Variants in AKAP13 observed in about 807,000 individuals in gnomAD.
The protein encoded by AKAP13 is A-kinase anchor protein 13.
In AKAP13, 80 loss-of-function variants were observed where a neutral mutation model predicts 264.5. The observed-to-expected ratio is 0.30, with a 90% CI of 0.25 to 0.36. The LOEUF (loss-of-function observed/expected upper bound fraction) is 0.36, where lower values mean the gene tolerates loss of function less well. Ranked by LOEUF, AKAP13 falls within the 10% of genes least tolerant of loss-of-function variation. The probability of loss-of-function intolerance (pLI) is 1.00; values close to 1 mark genes in which losing one functional copy is unlikely to be tolerated. For synonymous variants in AKAP13, 1,380 were observed against 1,250.2 expected (o/e 1.10, Z -2.19); for missense variants, 3,712 against 3,435.2 (o/e 1.08, Z -2.01).
At chr15:85,673,576 A>G (rs1164106035) in intron 14 of AKAP13, among the ~76,000 whole-genome samples, 2 of 152,054 alleles carry the variant, frequency 1.3e-5, no homozygotes, top group East Asian at 1.9e-4. Flanking sequence ...GTGCTGGGAA[A>G]CATAGATGGT....
chr15:85,385,780 C>G (rs1452632137), intron 1 of AKAP13, among the ~76,000 whole-genome samples: 2 of 152,106 alleles, frequency 1.3e-5, no homozygotes, highest in East Asian at 3.8e-4. Flanking sequence ...ACATGATTTG[C>G]AGATATTTTC....
intron 2 of AKAP13, among the ~76,000 whole-genome samples, chr15:85,486,809 G>C (rs2151060721): frequency 7.1e-6 from 1 of 140,916 alleles, no homozygotes. Context: ...CGCGATCTTG[G>C]CTCACTGCGA....
intron 1 of AKAP13, among the ~76,000 whole-genome samples, chr15:85,397,579 G>A (rs2071180041): frequency 6.6e-6 from 1 of 152,118 alleles, no homozygotes; most frequent in African/African-American, 2.4e-5. Flanking sequence ...CACTTATTGG[G>A]AACCATTATT....
Position 85,742,812 on chromosome 15 carries a change from G to A in AKAP13, c.8059-680G>A, listed in dbSNP as rs72750182. On this transcript the variant is annotated intron_variant, in intron 35 of 36. Coordinates refer to ENST00000394518, the MANE Select transcript of AKAP13 (RefSeq NM_007200.5). ...GATTGATTGATCTTGGACCACGAAA[G>A]AAAATTATACTGACAGCTTCCAGGG... is the stretch of plus-strand genomic sequence containing the variant. Among the ~76,000 whole-genome samples the A allele has an allele frequency of 7.7e-3, 1,175 of 152,248 alleles. 19 individuals carry two copies. Among genetic ancestry groups the A allele is most frequent in the Non-Finnish European group, 0.011 (744 of 68,024 alleles).
intron 4 of AKAP13, among the ~76,000 whole-genome samples, chr15:85,543,140 TC>T (rs1179156342): frequency 6.6e-6 from 1 of 152,210 alleles, no homozygotes; most frequent in Non-Finnish European, 1.5e-5. Flanking sequence ...GAGTTAGTCT[TC>T]CTTATTGTGC....
At chr15:85,616,989 A>G (rs531059243) in intron 8 of AKAP13, among the ~76,000 whole-genome samples, 11 of 152,392 alleles carry the variant, frequency 7.2e-5, no homozygotes, top group Admixed American at 2.0e-4. Context: ...AGCCTGTGGC[A>G]CAAAGCCAGA....
intron 10 of AKAP13, among the ~76,000 whole-genome samples, chr15:85,652,883 G>A (rs2082922773): frequency 6.6e-6 from 1 of 152,128 alleles, no homozygotes; most frequent in African/African-American, 2.4e-5. Context: ...CACCATTTGT[G>A]TTGGGATCTG....
intron 12 of AKAP13, 62 bp from the exon 13 acceptor site, chr15:85,664,501 T>C: frequency 1.3e-6 from 2 of 1,493,594 alleles, no homozygotes; most frequent in South Asian, 2.7e-5. Context: ...AGGGATTTTG[T>C]GTCCTCCTTT....
At chr15:85,646,899 C>CT (rs2082583792) in intron 10 of AKAP13, among the ~76,000 whole-genome samples, 1 of 152,194 alleles carries the variant, frequency 6.6e-6, no homozygotes, top group Admixed American at 6.5e-5. Flanking sequence ...GAATAGAGGG[C>CT]TTTCCCCACA....
Position 85,693,593 on chromosome 15 carries a change from T to C in AKAP13, c.5464+142T>C, listed in dbSNP as rs373600398. 9.4e-6 allele frequency: 13 copies of C among 1,386,328 alleles called. No individual in the cohort carries two copies. In the South Asian group the frequency reaches 1.4e-4, roughly 14 times the overall value. The allele number at this position is 1,386,328 out of a possible 1,614,324, so 85.9% of individuals were successfully genotyped here. ...TTTTTATATCTTTCTTTAGACATGATAAAAGAAAGAAATTCTAGATGTATA... is the reference window on the plus strand; with the variant it reads ...TTTTTATATCTTTCTTTAGACATGACAAAAGAAAGAAATTCTAGATGTATA... On this transcript the variant is annotated intron_variant, in intron 17 of 36. Transcript: ENST00000394518.
chr15:85,630,317 T>G (rs1412592517), intron 8 of AKAP13, among the ~76,000 whole-genome samples: 1 of 151,180 alleles, frequency 6.6e-6, no homozygotes, highest in Non-Finnish European at 1.5e-5. Flanking sequence ...AGTGTCTCTG[T>G]ATATATAACA....
intron 1 of AKAP13, among the ~76,000 whole-genome samples, chr15:85,408,601 T>C (rs1455591068): frequency 1.3e-5 from 2 of 151,916 alleles, no homozygotes; most frequent in African/African-American, 4.9e-5. Context: ...ACTGGCTTAC[T>C]TCACTTAGCA....
rs753888783 is a variant in AKAP13, at chr15:85,693,336, G to A, written c.5349G>A (p.Glu1783=). The change falls in exon 17 of 37, where the codon GAG becomes GAA. Residue 1783 remains glutamate, a synonymous_variant. Coordinates refer to ENST00000394518, the MANE Select transcript of AKAP13 (RefSeq NM_007200.5). ...AGGAGAAAGATTCTAAAGACAAGGA[G>A]AAAGATAAGAAGACTGTCAACGGGC... is the stretch of plus-strand genomic sequence containing the variant. ...KEKEKDSKDK[E]KDKKTVNGHT... The A allele has an allele frequency of 1.1e-5, 18 of 1,612,822 alleles. No homozygotes were observed. The Admixed American group carries it at 3.0e-4, about 27-fold the overall frequency.
intron 1 of AKAP13, among the ~76,000 whole-genome samples, chr15:85,426,955 G>GT (rs71468105): frequency 0.48 from 60,476 of 124,878 alleles, 15,025 homozygotes; most frequent in African/African-American, 0.55. Context: ...GTTTTGTTTT[G>GT]TTTTTTTTTT....
chr15:85,729,217 T>C (rs924385979), intron 29 of AKAP13, among the ~76,000 whole-genome samples: 20 of 152,074 alleles, frequency 1.3e-4, no homozygotes, highest in Admixed American at 3.3e-4. Flanking sequence ...GAGAATCGCT[T>C]GAACCCGGGA....
chr15:85,447,332 A>G (rs1266051363), intron 1 of AKAP13, among the ~76,000 whole-genome samples: 1 of 152,140 alleles, frequency 6.6e-6, no homozygotes, highest in Non-Finnish European at 1.5e-5. Context: ...AGCAAAATGG[A>G]TAGGATATGG....
At chr15:85,492,747 A>G (rs990340234) in intron 2 of AKAP13, among the ~76,000 whole-genome samples, 1 of 152,162 alleles carries the variant, frequency 6.6e-6, no homozygotes, top group Admixed American at 6.5e-5. Flanking sequence ...TAAACACATT[A>G]TATCTCTTTA....
At position 85,441,525 on chromosome 15, in the gene AKAP13, T is replaced by A. The variant is rs141309704; in HGVS notation, c.-11-44185T>A. Among the ~76,000 whole-genome samples the A allele has an allele frequency of 7.1e-3, 1,081 of 152,284 alleles. 4 individuals are homozygous for A. Among genetic ancestry groups the A allele is most frequent in the Non-Finnish European group, 0.011 (770 of 68,028 alleles). ...AATTTTGATGAAATCTAGTGTATCA[T>A]GTTTTCTTTTATGGATCATACATTT... On this transcript the variant is annotated intron_variant, in intron 1 of 36. Coordinates refer to ENST00000394518, the MANE Select transcript of AKAP13 (RefSeq NM_007200.5).
chr15:85,584,922 T>C (rs2079277194), intron 7 of AKAP13, among the ~76,000 whole-genome samples: 1 of 152,218 alleles, frequency 6.6e-6, no homozygotes, highest in Non-Finnish European at 1.5e-5. Context: ...GAGTCCCGTT[T>C]AAAGAAGTGT....
Sources: gnomAD v4.1 joint callset for allele counts (sites outside exome capture counted in the v4.1 genomes callset) on GRCh38, gnomAD v4.1.1 for gene constraint, MANE v1.5 for transcripts, NCBI Gene and HGNC (gene_info 2026-07-23, HGNC 2026-07-21) for gene names.